ESX1: variants seen among roughly 807,000 people sequenced by gnomAD.
The protein encoded by ESX1 is ESX homeobox 1, also known as homeobox protein ESX1.
In ESX1, 2 loss-of-function variants were observed where a neutral mutation model predicts 13.2. The ratio of observed to expected loss-of-function variants is 0.15; its 90% CI spans 0.06 to 0.48. ESX1 has a LOEUF of 0.48. ESX1 is among the 20% of genes least tolerant of loss of function. ESX1 has a pLI of 0.97. For synonymous variants in ESX1, 157 were observed against 163.1 expected, an observed-to-expected ratio of 0.96 and a Z score of 0.29; for missense variants, 307 against 379.0, an observed-to-expected ratio of 0.81 and a Z score of 1.58.
rs1923128214 is a variant in ESX1, at chrX:104,250,334, ATGGGCGGCCCGGGTGGCAGAGGCG to A, written c.1091_1114del (p.Ala364_Met372delinsVal). On this transcript the variant is annotated inframe_deletion, in exon 4 of 4. Transcript: ENST00000372588. ...ATGTGACCTGGGTGGCAGAGGCGCC[ATGGGCGGCCCGGGTGGCAGAGGCG>A]CCATGGGCGGCCCGGGTGGCAGAGG... 8.7e-7 allele frequency: 1 copy of A among 1,149,139 alleles called. No homozygotes were observed. The highest frequency in any genetic ancestry group is 1.9e-5 in the African/African-American group (1 of 52,898). 94.7% of individuals were successfully genotyped at this position (1,149,139 alleles called of 1,213,427 possible).
chrX:104,254,432 A>C lies in ESX1; in HGVS notation c.228T>G (p.Gly76=). ...GTTGCTCCGGCTCGTGGCCGCCGCCACCCTCACGGTCTTGGTCGTCCGAGG... is the reference window on the plus strand; with the variant it reads ...GTTGCTCCGGCTCGTGGCCGCCGCCCCCCTCACGGTCTTGGTCGTCCGAGG... ...SVPSDDQDRE[G]GGGHEPEQQQ... is the part of the protein sequence containing the mutation. The change falls in exon 2 of 4, where the codon GGT becomes GGG. Residue 76 remains glycine (G), a synonymous_variant. Transcript: ENST00000372588. 1 of 1,210,392 alleles carries C rather than the reference A, an allele frequency of 8.3e-7. No individual in the cohort carries two copies. Among genetic ancestry groups the C allele is most frequent in the Non-Finnish European group, 1.1e-6 (1 of 895,102 alleles).
At chrX:104,252,317 G>A (rs1923202610) in intron 3 of ESX1, among the ~76,000 whole-genome samples, 1 of 112,125 alleles carries the variant, frequency 8.9e-6, no homozygotes, top group African/African-American at 3.2e-5. Context: ...ATACTTCCGA[G>A]GTGAGACTGA....
Position 104,254,348 on chromosome X carries a change from G to GCTTCAGC in ESX1, c.311_312insGCTGAAG (p.Glu105LeufsTer29). ...GCTCCTCCTGCTCTTGCTTCAGCTCGAGCAGGGGCGGCTCCTCCTGCTGTT... is the reference window on the plus strand; with the variant it reads ...GCTCCTCCTGCTCTTGCTTCAGCTCGCTTCAGCAGCAGGGGCGGCTCCTCCTGCTGTT... On this transcript the variant is annotated frameshift_variant, in exon 2 of 4. Coordinates refer to ENST00000372588, the MANE Select transcript of ESX1 (RefSeq NM_153448.4). LOFTEE classifies it high-confidence loss of function. 1.7e-6 allele frequency: 2 copies of GCTTCAGC among 1,210,873 alleles called. No individual in the cohort carries two copies. Among genetic ancestry groups the GCTTCAGC allele is most frequent in the Non-Finnish European group, 2.2e-6 (2 of 895,283 alleles).
rs201322852 is a variant in ESX1, at chrX:104,254,841, A to G, written c.9T>C (p.Ser3=). 2.3e-5 allele frequency: 28 copies of G among 1,206,228 alleles called. No homozygotes were observed. The highest frequency in any genetic ancestry group is 3.0e-5 in the Non-Finnish European group (27 of 890,535). Residue 3 remains serine (S), a synonymous_variant, in exon 1 of 4, where the codon TCT becomes TCC. Transcript: ENST00000372588. Reference sequence around the variant, plus strand: ...TATCACTGTGGGTGTACCCGCGAAGAGACTCCATGCTTCAAGCGCTGTCGA... The same window carrying G: ...TATCACTGTGGGTGTACCCGCGAAGGGACTCCATGCTTCAAGCGCTGTCGA... ME[S]LRGYTHSDIG...
In ESX1 at chrX:104,250,528, CGGCCAGGGT is replaced by C. The variant is rs1923151256; in HGVS notation, c.912_920del (p.Trp306_Pro308del). 9.2e-7 allele frequency: 1 copy of C among 1,082,350 alleles called. No homozygotes were observed. Among genetic ancestry groups the C allele is most frequent in the Admixed American group, 3.6e-5 (1 of 28,051 alleles). The allele number at this position is 1,082,350 out of a possible 1,213,427, so 89.2% of individuals were successfully genotyped here. On this transcript the variant is annotated inframe_deletion, in exon 4 of 4. Transcript: ENST00000372588. The stretch of plus-strand genomic sequence containing the variant: ...GCCCGGTTGGCACAGGCGCCATGGG[CGGCCAGGGT>C]GGCACAGGCGCCATGGGCGGCCAGG...
At chrX:104,252,888 T>C in intron 2 of ESX1, 60 bp from the exon 3 acceptor site, 2 of 1,076,456 alleles carry the variant, frequency 1.9e-6, no homozygotes, top group Non-Finnish European at 2.6e-6. Context: ...TGCAATAATA[T>C]GAACGTGGCT....
In ESX1 at chrX:104,250,091, A is replaced by G; in HGVS notation, c.*137T>C. The G allele has an allele frequency of 1.4e-6, 1 of 737,441 alleles. No individual in the cohort carries two copies. Among genetic ancestry groups the G allele is most frequent in the Admixed American group, 4.7e-5 (1 of 21,388 alleles). 60.8% of individuals were successfully genotyped at this position (737,441 alleles called of 1,213,427 possible). On this transcript the variant is annotated 3_prime_UTR_variant, in exon 4 of 4. Coordinates refer to ENST00000372588, the MANE Select transcript of ESX1 (RefSeq NM_153448.4). ...TACTACAATTATGTGGCCTACAAAA[A>G]TAACAGGGCATTCGTTAACTTTGTT...
At position 104,250,230 on chromosome X, in the gene ESX1, A is replaced by G. The variant is rs9803338; in HGVS notation, c.1219T>C (p.Ter407GlnextTer16). 8.3e-7 allele frequency: 1 copy of G among 1,206,901 alleles called. No homozygotes were observed. The highest frequency in any genetic ancestry group is 1.1e-6 in the Non-Finnish European group (1 of 892,958). Residue 407 changes from the stop codon to glutamine (Q), a stop_lost, in exon 4 of 4, where the codon TAA (stop) becomes CAA (glutamine). Transcript: ENST00000372588. ...AAAACTGTTATGAATACCTTACTTTAGAAAAAGGGACATGCATAATAACTG... is the reference window on the plus strand; with the variant it reads ...AAAACTGTTATGAATACCTTACTTTGGAAAAAGGGACATGCATAATAACTG... ...INSYYACPFF[*>Q]
intron 2 of ESX1, among the ~76,000 whole-genome samples, chrX:104,253,882 A>G (rs782586383): frequency 8.9e-6 from 1 of 112,944 alleles, no homozygotes; most frequent in Non-Finnish European, 1.9e-5. Context: ...AAGACAAATA[A>G]TATTTTAATG....
chrX:104,254,684 C>T, intron 1 of ESX1, 84 bp downstream of exon 1: 4 of 1,141,949 alleles, frequency 3.5e-6, no homozygotes, highest in Admixed American at 4.4e-5. Flanking sequence ...GACAGCCGCG[C>T]AGCGTCTCCT....
rs1170261612 is a variant in ESX1 at position 104,254,365 on chromosome X, C to T, written c.295G>A (p.Glu99Lys). ...TTCAGCTCGAGCAGGGGCGGCTCCT[C>T]CTGCTGTTGCTCCGGCTTGGTCAGG... ...PPLTKPEQQQ[E>K]EPPLLELKQE... The change falls in exon 2 of 4, where the codon GAG becomes AAG. Residue 99 changes from glutamate (E) to lysine (K), a missense_variant. Transcript: ENST00000372588. 5.0e-6 allele frequency: 6 copies of T among 1,209,515 alleles called. No individual in the cohort carries two copies. In the African/African-American group the frequency reaches 1.1e-4, roughly 21 times the overall value.
In ESX1 at chrX:104,250,149, G is replaced by GA. The variant is rs782065476; in HGVS notation, c.*78dup. ...CCACTTCATTTAACAAGCATCTAAC[G>GA]AATTACTTGATGCTGTGCTGTGCAC... On this transcript the variant is annotated 3_prime_UTR_variant, in exon 4 of 4. Coordinates refer to ENST00000372588, the MANE Select transcript of ESX1 (RefSeq NM_153448.4). 1.2e-4 allele frequency: 131 copies of GA among 1,089,912 alleles called. No individual in the cohort carries two copies. The African/African-American group carries it at 2.3e-3, about 19-fold the overall frequency. The allele number at this position is 1,089,912 out of a possible 1,213,427, so 89.8% of individuals were successfully genotyped here.
rs1923219486 is a variant in ESX1, at chrX:104,252,931, C to A, written c.507-103G>T. ...GCACTTTGGGAGGCCGAAGAGGTTGCTGAGGTCAGGAGTTGGAGACAAGCC... is the reference window on the plus strand; with the variant it reads ...GCACTTTGGGAGGCCGAAGAGGTTGATGAGGTCAGGAGTTGGAGACAAGCC... On this transcript the variant is annotated intron_variant, in intron 2 of 3. Transcript: ENST00000372588. 4 of 733,688 alleles carry A rather than the reference C, an allele frequency of 5.5e-6. No homozygotes were observed. The South Asian group carries it at 7.0e-5, about 13-fold the overall frequency. 60.5% of individuals were successfully genotyped at this position (733,688 alleles called of 1,213,427 possible).
chrX:104,254,048 C>T, intron 2 of ESX1, 106 bp downstream of exon 2: 1 of 1,024,469 alleles, frequency 9.8e-7, no homozygotes, highest in South Asian at 2.3e-5. Context: ...ACCACGTCCC[C>T]CAAAAACCAA....
intron 3 of ESX1, 140 bp downstream of exon 3, chrX:104,252,643 A>G (rs1923212378): frequency 3.5e-6 from 2 of 570,117 alleles, no homozygotes; most frequent in East Asian, 6.9e-5. Context: ...TTCTACCACT[A>G]AAGCCCCTAC....
Position 104,254,926 on chromosome X carries a change from C to A in ESX1, c.-77G>T. ...TTCCGCGGCGATCCCGGGGTTGGAA[C>A]TGGCTCTGGGACCAATGGCTCGGGC... On this transcript the variant is annotated 5_prime_UTR_variant, in exon 1 of 4. Transcript: ENST00000372588. 1.1e-6 allele frequency: 1 copy of A among 913,078 alleles called. No homozygotes were observed. The allele number at this position is 913,078 out of a possible 1,213,427, so 75.2% of individuals were successfully genotyped here. A position where few individuals can be genotyped will look rare whatever the true frequency, so the allele number is the denominator to read the frequency against.
intron 3 of ESX1, among the ~76,000 whole-genome samples, chrX:104,251,916 G>C (rs1007734351): frequency 2.7e-5 from 3 of 112,179 alleles, no homozygotes; most frequent in African/African-American, 9.7e-5. Context: ...TGTGACATCT[G>C]CAATGCATGT....
Position 104,250,651 on chromosome X carries a change from G to A in ESX1, c.798C>T (p.Pro266=), listed in dbSNP as rs2147917260. The stretch of plus-strand genomic sequence containing the variant: ...GCGCCATGGGTGGCATAGGTGCTAT[G>A]GGTGGCCTGGGTGGCATAGGGACCA... The part of the protein sequence containing the change: ...PPMVPMPPRP[P]IAPMPPMAPV... The change falls in exon 4 of 4, where the codon CCC becomes CCT. Residue 266 remains proline (P), a synonymous_variant. Transcript: ENST00000372588. 8.3e-7 allele frequency: 1 copy of A among 1,210,072 alleles called. No individual in the cohort carries two copies. Among genetic ancestry groups the A allele is most frequent in the Non-Finnish European group, 1.1e-6 (1 of 894,601 alleles).
At position 104,254,452 on chromosome X, in the gene ESX1, C is replaced by A. The variant is rs782812746; in HGVS notation, c.208G>T (p.Asp70Tyr). Reference protein sequence around the residue: ...NVGTEGSVPSDDQDREGGGGH... With the variant: ...NVGTEGSVPSYDQDREGGGGH... The stretch of plus-strand genomic sequence containing the variant: ...CCGCCACCCTCACGGTCTTGGTCGT[C>A]CGAGGGGACGGACCCTTCCGTGCCA... Residue 70 changes from aspartate to tyrosine, a missense_variant, in exon 2 of 4, where the codon GAC becomes TAC. This residue lies in a region of ESX1 where 152 missense variants were observed against 114.5 expected (regional missense o/e 1.33). Coordinates refer to ENST00000372588, the MANE Select transcript of ESX1 (RefSeq NM_153448.4). 2.3e-4 allele frequency: 283 copies of A among 1,210,707 alleles called. 3 individuals are homozygous for A. The South Asian group carries it at 4.7e-3, about 20-fold the overall frequency.
Sources: allele counts gnomAD v4.1 joint callset (sites outside exome capture counted in the v4.1 genomes callset), GRCh38; gene constraint gnomAD v4.1.1; regional missense constraint gnomAD v4.1.1; transcripts MANE v1.5; gene names NCBI Gene and HGNC (gene_info 2026-07-23, HGNC 2026-07-21).